GRIA4: variants seen among roughly 807,000 people sequenced by gnomAD.
The protein encoded by GRIA4 is glutamate ionotropic receptor AMPA type subunit 4.
A neutral mutation model predicts 104.0 loss-of-function variants in GRIA4; 34 were observed. The observed-to-expected ratio is 0.33, with a 90% CI of 0.25 to 0.44. The LOEUF is 0.44. GRIA4 is among the 20% of genes least tolerant of loss of function. The pLI is 1.00. For missense variants in GRIA4, 750 were observed against 1,096.5 expected, an observed-to-expected ratio of 0.68 and a Z score of 4.46; for synonymous variants, 386 against 381.9, an observed-to-expected ratio of 1.01 and a Z score of -0.13.
chr11:105,877,323 C>T (rs553231830), intron 5 of GRIA4, among the ~76,000 whole-genome samples: 1 of 152,204 alleles, frequency 6.6e-6, no homozygotes, highest in Admixed American at 6.5e-5. Context: ...CAACCTTTCT[C>T]TCTGGCTGCC....
At chr11:105,858,868 A>C (rs971274243) in intron 4 of GRIA4, among the ~76,000 whole-genome samples, 10 of 152,276 alleles carry the variant, frequency 6.6e-5, no homozygotes, top group Non-Finnish European at 1.5e-4. Flanking sequence ...GTTTTCAGTA[A>C]ATTATATAGA....
At chr11:105,919,528 C>G (rs1254186149) in intron 11 of GRIA4, among the ~76,000 whole-genome samples, 2 of 152,076 alleles carry the variant, frequency 1.3e-5, no homozygotes, top group Non-Finnish European at 2.9e-5. Flanking sequence ...AGAATTTATT[C>G]CAAAGTGGGC....
chr11:105,822,555 T>G (rs1818349061), intron 4 of GRIA4, among the ~76,000 whole-genome samples: 1 of 152,126 alleles, frequency 6.6e-6, no homozygotes, highest in South Asian at 2.1e-4. Context: ...ATGCAATGAT[T>G]TTTCAACCCA....
At chr11:105,861,804 T>C (rs1334137949) in intron 4 of GRIA4, among the ~76,000 whole-genome samples, 1 of 152,170 alleles carries the variant, frequency 6.6e-6, no homozygotes, top group East Asian at 1.9e-4. Flanking sequence ...GAGCACAAGG[T>C]ATGGTGTTGC....
At chr11:105,952,904 G>C (rs1046344108) in intron 14 of GRIA4, among the ~76,000 whole-genome samples, 1 of 152,100 alleles carries the variant, frequency 6.6e-6, no homozygotes, top group Non-Finnish European at 1.5e-5. Context: ...AATCTTACTT[G>C]TCATCGCATA....
At position 105,833,624 on chromosome 11, in the gene GRIA4, A is replaced by C. The variant is rs541532355; in HGVS notation, c.488-28400A>C. On this transcript the variant is annotated intron_variant, in intron 4 of 16. Transcript: ENST00000282499. ...ATGAACTTCAAATAAATTCCAACAA[A>C]ATATATTTCCCACAAGAGTCCTCTA... Among the ~76,000 whole-genome samples the C allele has an allele frequency of 1.4e-4, 21 of 152,122 alleles. 1 individual carries two copies. The South Asian group carries it at 4.3e-3, about 31-fold the overall frequency.
At chr11:105,848,436 A>G (rs566409517) in intron 4 of GRIA4, among the ~76,000 whole-genome samples, 29 of 152,326 alleles carry the variant, frequency 1.9e-4, no homozygotes, top group African/African-American at 7.0e-4. Flanking sequence ...TAGAAGATGT[A>G]AGGTTAGAAC....
chr11:105,736,538 A>G (rs778644105), intron 3 of GRIA4, among the ~76,000 whole-genome samples: 4 of 152,126 alleles, frequency 2.6e-5, no homozygotes, highest in Non-Finnish European at 5.9e-5. Flanking sequence ...CTCCTTGTAT[A>G]GTATATATAT....
At chr11:105,617,929 A>G (rs1046408085) in intron 3 of GRIA4, among the ~76,000 whole-genome samples, 3 of 151,992 alleles carry the variant, frequency 2.0e-5, no homozygotes, top group African/African-American at 7.2e-5. Flanking sequence ...TGGACACGGA[A>G]ATGGGAAGGA....
At chr11:105,840,976 C>CAAAA (rs1206539287) in intron 4 of GRIA4, among the ~76,000 whole-genome samples, 1 of 152,144 alleles carries the variant, frequency 6.6e-6, no homozygotes, top group Admixed American at 6.5e-5. Context: ...AAAGCTCTAA[C>CAAAA]AACAAACAAA....
At chr11:105,807,947 T>G (rs1943019047) in intron 4 of GRIA4, among the ~76,000 whole-genome samples, 1 of 152,030 alleles carries the variant, frequency 6.6e-6, no homozygotes, top group South Asian at 2.1e-4. Context: ...CTGTTTTCAA[T>G]GTTAATTTTA....
intron 14 of GRIA4, among the ~76,000 whole-genome samples, chr11:105,964,241 G>A (rs549296007): frequency 6.6e-5 from 10 of 152,256 alleles, no homozygotes; most frequent in South Asian, 2.1e-4. Flanking sequence ...CACTTACTTG[G>A]AAATGTAGGA....
At chr11:105,902,451 A>G (rs777750051) in intron 7 of GRIA4, among the ~76,000 whole-genome samples, 11 of 151,316 alleles carry the variant, frequency 7.3e-5, no homozygotes, top group Non-Finnish European at 1.6e-4. Context: ...CTCCCACCTC[A>G]GCCTTCCAAG....
At chr11:105,856,711 CTTTAAAGA>C (rs889077780) in intron 4 of GRIA4, among the ~76,000 whole-genome samples, 2 of 152,142 alleles carry the variant, frequency 1.3e-5, no homozygotes, top group African/African-American at 4.8e-5. Flanking sequence ...AGTGCTTTAA[CTTTAAAGA>C]TTTAAAGTAT....
chr11:105,711,281 C>T (rs1240872464), intron 3 of GRIA4, among the ~76,000 whole-genome samples: 2 of 151,624 alleles, frequency 1.3e-5, no homozygotes, highest in East Asian at 1.9e-4. Context: ...ACCTATGAGT[C>T]GGGGGAGAGG....
chr11:105,769,991 G>A (rs901927354), intron 4 of GRIA4, among the ~76,000 whole-genome samples: 2 of 151,994 alleles, frequency 1.3e-5, no homozygotes, highest in African/African-American at 4.8e-5. Context: ...TACACCTACT[G>A]TATATTTCCA....
intron 10 of GRIA4, chr11:105,913,400 A>G (rs1450962790): frequency 4.4e-5 from 20 of 451,900 alleles, no homozygotes. Flanking sequence ...CATACTGAAT[A>G]TACCACAGCA....
intron 3 of GRIA4, among the ~76,000 whole-genome samples, chr11:105,629,625 CAT>C (rs987587488): frequency 7.9e-5 from 12 of 152,184 alleles, no homozygotes; most frequent in East Asian, 3.9e-4. Context: ...TAAATTTTTA[CAT>C]GTTTACAAAA....
In GRIA4 at chr11:105,869,599, C is replaced by T. The variant is rs960234907; in HGVS notation, c.672+7391C>T. ...AATGTTTAAAAGGCAGTGAGATTAA[C>T]AAAAAGGCAGCAAAACATTCAACAG... On this transcript the variant is annotated intron_variant, in intron 5 of 16. Coordinates refer to ENST00000282499, the MANE Select transcript of GRIA4 (RefSeq NM_000829.4). 2.6e-5 allele frequency among the ~76,000 whole-genome samples: 4 copies of T among 152,014 alleles called. No homozygotes were observed. In the South Asian group the frequency reaches 6.2e-4, roughly 24 times the overall value.
Sources: gnomAD v4.1 joint callset for allele counts (sites outside exome capture counted in the v4.1 genomes callset) on GRCh38, gnomAD v4.1.1 for gene constraint, MANE v1.5 for transcripts, NCBI Gene and HGNC (gene_info 2026-07-23, HGNC 2026-07-21) for gene names.